The following NEBL variants were observed in gnomAD, a reference collection of about 807,000 sequenced individuals.
NEBL encodes LIM and SH3 protein 2.
In NEBL, 122 loss-of-function variants were observed where a neutral mutation model predicts 140.2. The ratio of observed to expected loss-of-function variants is 0.87; its 90% confidence interval spans 0.75 to 1.01. The LOEUF (loss-of-function observed/expected upper bound fraction) is 1.01, where lower values mean the gene tolerates loss of function less well. Among genes scored for constraint, NEBL ranks in the 50% least tolerant of loss-of-function variants. The pLI is 0.00. For synonymous variants in NEBL, 436 were observed against 398.9 expected (o/e 1.09, Z -1.11); for missense variants, 1,365 against 1,231.3 (o/e 1.11, Z -1.62).
intron 4 of NEBL, among the ~76,000 whole-genome samples, chr10:20,929,101 C>T (rs553966999): frequency 6.6e-6 from 1 of 152,194 alleles, no homozygotes; most frequent in South Asian, 2.1e-4. Context: ...ATCCAGCAAT[C>T]CCGCTACTGG....
chr10:21,012,305 T>A (rs1334475103), intron 3 of NEBL, among the ~76,000 whole-genome samples: 1 of 152,078 alleles, frequency 6.6e-6, no homozygotes, highest in African/African-American at 2.4e-5. Flanking sequence ...TGGCAGAGCA[T>A]GATTTATGTG....
intron 3 of NEBL, among the ~76,000 whole-genome samples, chr10:21,233,788 CAT>C (rs1471666636): frequency 2.5e-5 from 3 of 121,798 alleles, no homozygotes; most frequent in Admixed American, 1.7e-4. Flanking sequence ...CATATATATG[CAT>C]ATATATTACA....
intron 1 of NEBL, among the ~76,000 whole-genome samples, chr10:21,262,718 G>A (rs530324151): frequency 3.9e-5 from 6 of 152,142 alleles, no homozygotes; most frequent in South Asian, 4.1e-4. Flanking sequence ...CCTAGGGTCC[G>A]GCCCCAAGGC....
rs1288148380 is a variant in NEBL at position 20,938,922 on chromosome 10, G to C, written c.357+22750C>G. On this transcript the variant is annotated intron_variant, in intron 4 of 6. Coordinates refer to the NEBL transcript ENST00000417816. ...AAAAAGAAATGAACAAAACCTCCAA[G>C]AAATATGGGACTATGTGAAAAGACC... 2.6e-5 allele frequency among the ~76,000 whole-genome samples: 4 copies of C among 152,336 alleles called. No homozygotes were observed. In the East Asian group the frequency reaches 5.8e-4, roughly 22 times the overall value.
Position 20,896,732 on chromosome 10 carries a change from G to A in NEBL, c.153+226C>T, listed in dbSNP as rs788970. Reference sequence around the variant, plus strand: ...CAGCGTGACAGCAAAACTCATAAGGGACAGGATTCTGGATTAAGAATGAGG... The same window carrying A: ...CAGCGTGACAGCAAAACTCATAAGGAACAGGATTCTGGATTAAGAATGAGG... On this transcript the variant is annotated intron_variant, in intron 2 of 27. Coordinates refer to ENST00000377122, the MANE Select transcript of NEBL (RefSeq NM_006393.3). 0.26 allele frequency among the ~76,000 whole-genome samples: 39,591 copies of A among 151,698 alleles called. 5,361 individuals are homozygous for A. Among genetic ancestry groups the A allele is most frequent in the East Asian group, 0.47 (2,411 of 5,138 alleles).
chr10:21,133,470 A>ATGGAATTAAT (rs1839209297), intron 2 of NEBL, among the ~76,000 whole-genome samples: 1 of 152,150 alleles, frequency 6.6e-6, no homozygotes, highest in Admixed American at 6.6e-5. Flanking sequence ...CCAAAGCCAG[A>ATGGAATTAAT]TTCCATCTTA....
At chr10:20,805,721 C>T (rs189774599) in intron 26 of NEBL, among the ~76,000 whole-genome samples, 24 of 152,124 alleles carry the variant, frequency 1.6e-4, no homozygotes, top group East Asian at 7.8e-4. Context: ...AGTGTGGTGG[C>T]GTGCACCTGT....
At chr10:21,255,640 A>G (rs1173992534) in intron 1 of NEBL, among the ~76,000 whole-genome samples, 1 of 152,190 alleles carries the variant, frequency 6.6e-6, no homozygotes, top group Non-Finnish European at 1.5e-5. Context: ...ATGCTGCATC[A>G]AAGAATATTC....
chr10:20,959,446 G>T lies in NEBL; in HGVS notation c.357+2226C>A, dbSNP rs575209084. Among the ~76,000 whole-genome samples, 8 of 152,124 alleles carry T rather than the reference G, an allele frequency of 5.3e-5. No individual in the cohort carries two copies. The South Asian group carries it at 1.5e-3, about 28-fold the overall frequency. On this transcript the variant is annotated intron_variant, in intron 4 of 6. Transcript: ENST00000417816. Reference sequence around the variant, plus strand: ...GGGTTTTAGCCAATACTGTTCAGTGGGTTTAGATTAAAGTAATATGGAAAA... The same window carrying T: ...GGGTTTTAGCCAATACTGTTCAGTGTGTTTAGATTAAAGTAATATGGAAAA...
At chr10:21,144,617 C>T (rs313792) in intron 2 of NEBL, among the ~76,000 whole-genome samples, 77,004 of 151,904 alleles carry the variant, frequency 0.51, 22,982 homozygotes, top group African/African-American at 0.83. Flanking sequence ...TCCCAGCTAC[C>T]TCAGAGGCTG....
At chr10:21,015,995 G>A (rs770151614) in intron 3 of NEBL, among the ~76,000 whole-genome samples, 4 of 152,328 alleles carry the variant, frequency 2.6e-5, no homozygotes, top group Non-Finnish European at 4.4e-5. Flanking sequence ...TGATGCCCCC[G>A]CAGGTGAACT....
chr10:20,827,246 G>A (rs1483666273), intron 17 of NEBL, among the ~76,000 whole-genome samples: 1 of 152,184 alleles, frequency 6.6e-6, no homozygotes, highest in African/African-American at 2.4e-5. Flanking sequence ...TGGCCCCCGC[G>A]TGGGTGGGAG....
intron 26 of NEBL, among the ~76,000 whole-genome samples, chr10:20,798,169 CAGT>C (rs1474975552): frequency 1.3e-5 from 2 of 151,208 alleles, no homozygotes; most frequent in African/African-American, 2.4e-5. Flanking sequence ...AAAGATCAGG[CAGT>C]AATAAGTAGC....
chr10:20,793,340 T>C (rs1836181822), intron 26 of NEBL: 1 of 973,874 alleles, frequency 1.0e-6, no homozygotes, highest in Non-Finnish European at 1.2e-6. Flanking sequence ...TACTGTTTTA[T>C]ATGTTAAATC....
At chr10:20,799,817 A>G (rs1359285348) in intron 26 of NEBL, among the ~76,000 whole-genome samples, 1 of 152,152 alleles carries the variant, frequency 6.6e-6, no homozygotes, top group Non-Finnish European at 1.5e-5. Context: ...CTTCTTCTTA[A>G]ATAAAGCTCA....
chr10:20,943,772 A>G (rs1835018705), intron 4 of NEBL, among the ~76,000 whole-genome samples: 1 of 152,178 alleles, frequency 6.6e-6, no homozygotes, highest in African/African-American at 2.4e-5. Flanking sequence ...AAAACTATTC[A>G]GTTACTAGGA....
chr10:21,077,953 T>G (rs1373529638), intron 2 of NEBL, among the ~76,000 whole-genome samples: 1 of 152,058 alleles, frequency 6.6e-6, no homozygotes, highest in East Asian at 1.9e-4. Flanking sequence ...AGCCACCATA[T>G]CAAGTCCGAT....
At chr10:21,115,529 G>C (rs188032634) in intron 2 of NEBL, among the ~76,000 whole-genome samples, 1 of 151,810 alleles carries the variant, frequency 6.6e-6, no homozygotes, top group Non-Finnish European at 1.5e-5. Context: ...TGGAAGTCTA[G>C]GTGAGAGTTT....
chr10:20,838,691 C>T (rs886956764), intron 13 of NEBL, among the ~76,000 whole-genome samples: 3 of 152,090 alleles, frequency 2.0e-5, no homozygotes, highest in African/African-American at 7.2e-5. Flanking sequence ...ATGTGGCAAA[C>T]TTCATTGTCA....
Sources: gnomAD v4.1 joint callset for allele counts (sites outside exome capture counted in the v4.1 genomes callset) on GRCh38, gnomAD v4.1.1 for gene constraint, MANE v1.5 for transcripts, NCBI Gene and HGNC (gene_info 2026-07-23, HGNC 2026-07-21) for gene names.